Variants in ALKAL1 observed in about 807,000 individuals in gnomAD.
The protein encoded by ALKAL1 is ALK and LTK ligand 1.
ALKAL1 carries 23 observed loss-of-function variants against 13.5 expected under a neutral mutation model. That is an observed-to-expected ratio of 1.70 (90% CI 1.23 to 2.41). ALKAL1 has a LOEUF of 2.41. Ranked by LOEUF, ALKAL1 falls within the 30% of genes most tolerant of loss-of-function variation. ALKAL1 has a pLI of 0.00. For synonymous variants in ALKAL1, 85 were observed against 77.7 expected (o/e 1.09, Z -0.49); for missense variants, 181 against 178.4 (o/e 1.01, Z -0.08).
intron 1 of ALKAL1, among the ~76,000 whole-genome samples, chr8:52,550,433 GAGAC>G (rs1476559764): frequency 7.4e-6 from 1 of 134,798 alleles, no homozygotes; most frequent in Non-Finnish European, 1.7e-5. Flanking sequence ...TTGAGCTGCA[GAGAC>G]AGAGTTGAGT....
intron 1 of ALKAL1, among the ~76,000 whole-genome samples, chr8:52,551,454 G>A (rs1400294515): frequency 2.7e-5 from 4 of 150,520 alleles, no homozygotes; most frequent in Non-Finnish European, 4.4e-5. Flanking sequence ...CACCATGCCC[G>A]GCTAATTCAT....
At chr8:52,547,408 G>A (rs1272822257) in intron 1 of ALKAL1, among the ~76,000 whole-genome samples, 2 of 152,272 alleles carry the variant, frequency 1.3e-5, no homozygotes, top group African/African-American at 2.4e-5. Context: ...GCTGAGGGAG[G>A]AGAATCAATT....
At chr8:52,562,594 T>C (rs911584112) in intron 1 of ALKAL1, among the ~76,000 whole-genome samples, 2 of 152,110 alleles carry the variant, frequency 1.3e-5, no homozygotes, top group Admixed American at 6.5e-5. Context: ...CTACTCCCTC[T>C]ACCTGGAAAT....
chr8:52,539,809 A>C (rs754483122), intron 3 of ALKAL1, 22 bp downstream of exon 3: 69 of 1,565,600 alleles, frequency 4.4e-5, no homozygotes, highest in Non-Finnish European at 5.4e-5. Context: ...TAAAAAAAAA[A>C]AAACCCACCC....
intron 1 of ALKAL1, 59 bp downstream of exon 1, chr8:52,565,008 G>T: frequency 7.8e-7 from 1 of 1,289,754 alleles, no homozygotes; most frequent in Non-Finnish European, 9.9e-7. Context: ...CAGCTCCTAG[G>T]GGAATCCACG....
chr8:52,552,318 G>A (rs1847438089), intron 1 of ALKAL1, among the ~76,000 whole-genome samples: 1 of 152,200 alleles, frequency 6.6e-6, no homozygotes, highest in Admixed American at 6.5e-5. Flanking sequence ...CACTTTTAGT[G>A]TAATTTATGT....
intron 1 of ALKAL1, among the ~76,000 whole-genome samples, chr8:52,548,225 C>A (rs554369859): frequency 1.3e-5 from 2 of 152,158 alleles, no homozygotes; most frequent in African/African-American, 4.8e-5. Flanking sequence ...GTGGCACACA[C>A]CTGTAATCCC....
chr8:52,552,093 T>G (rs1235414187), intron 1 of ALKAL1, among the ~76,000 whole-genome samples: 1 of 152,180 alleles, frequency 6.6e-6, no homozygotes. Flanking sequence ...AGTCATCATG[T>G]CTCCTTAGGC....
At position 52,564,128 on chromosome 8, in the gene ALKAL1, C is replaced by T. The variant is rs748249836; in HGVS notation, c.190+939G>A. On this transcript the variant is annotated intron_variant, in intron 1 of 4. Coordinates refer to ENST00000358543, the MANE Select transcript of ALKAL1 (RefSeq NM_207413.4). ...CGGCCAGCCGCTAGCTGCGAGGCAT[C>T]CCCAGGCCACCCTAGGCCCTCTCCT... is the stretch of plus-strand genomic sequence containing the variant. Among the ~76,000 whole-genome samples, 34 of 152,212 alleles carry T rather than the reference C, an allele frequency of 2.2e-4. 1 individual carries two copies. Among genetic ancestry groups the T allele is most frequent in the Non-Finnish European group, 4.0e-4 (27 of 68,038 alleles).
chr8:52,557,966 G>GAAA (rs33973509), intron 1 of ALKAL1, among the ~76,000 whole-genome samples: 1 of 114,152 alleles, frequency 8.8e-6, no homozygotes, highest in Non-Finnish European at 1.8e-5. Context: ...GACTATGTCT[G>GAAA]AAAAAAAAAA....
intron 1 of ALKAL1, among the ~76,000 whole-genome samples, chr8:52,562,832 C>T (rs1026193585): frequency 6.6e-6 from 1 of 152,176 alleles, no homozygotes; most frequent in Admixed American, 6.5e-5. Context: ...AGATATTTTC[C>T]TCCTGAATGA....
chr8:52,556,745 A>T (rs924069416), intron 1 of ALKAL1, among the ~76,000 whole-genome samples: 1 of 152,074 alleles, frequency 6.6e-6, no homozygotes, highest in Non-Finnish European at 1.5e-5. Flanking sequence ...ATTCATCAAC[A>T]AATGAGATAA....
chr8:52,556,646 CAAAAAAAAA>C (rs59483863), intron 1 of ALKAL1, among the ~76,000 whole-genome samples: 19 of 51,374 alleles, frequency 3.7e-4, no homozygotes, highest in East Asian at 8.8e-4. Context: ...AACTCTGTCT[CAAAAAAAAA>C]AAAAAAAAAA....
chr8:52,538,873 A>T (rs1020810233), intron 3 of ALKAL1, among the ~76,000 whole-genome samples: 1 of 151,798 alleles, frequency 6.6e-6, no homozygotes, highest in South Asian at 2.1e-4. Context: ...GTTTTGTTTT[A>T]TTTTATTTTA....
At chr8:52,545,968 T>C (rs1302050886) in intron 1 of ALKAL1, among the ~76,000 whole-genome samples, 3 of 152,248 alleles carry the variant, frequency 2.0e-5, no homozygotes, top group Non-Finnish European at 4.4e-5. Flanking sequence ...CTATATGGTA[T>C]AGCCTATTGC....
intron 1 of ALKAL1, among the ~76,000 whole-genome samples, chr8:52,544,115 C>T (rs946338280): frequency 4.6e-5 from 7 of 151,948 alleles, no homozygotes; most frequent in Admixed American, 2.6e-4. Context: ...CTGTACAACC[C>T]GGCTTTGCTG....
At chr8:52,556,437 G>C (rs943079388) in intron 1 of ALKAL1, among the ~76,000 whole-genome samples, 3 of 151,872 alleles carry the variant, frequency 2.0e-5, no homozygotes, top group African/African-American at 7.3e-5. Flanking sequence ...CACGAGGTCA[G>C]GAGATCGAGA....
At position 52,555,216 on chromosome 8, in the gene ALKAL1, G is replaced by C. The variant is rs372927997; in HGVS notation, c.190+9851C>G. On this transcript the variant is annotated intron_variant, in intron 1 of 4. Transcript: ENST00000358543. ...TAAAGGCCGACAAATGCCCACTGGA[G>C]TCAACTGGAGTCCCGGTGGGATCAT... 1.4e-4 allele frequency among the ~76,000 whole-genome samples: 21 copies of C among 152,040 alleles called. No homozygotes were observed. In the South Asian group the frequency reaches 4.2e-3, roughly 30 times the overall value.
intron 1 of ALKAL1, among the ~76,000 whole-genome samples, chr8:52,547,047 T>C (rs1053554138): frequency 1.3e-5 from 2 of 152,246 alleles, no homozygotes; most frequent in Non-Finnish European, 2.9e-5. Flanking sequence ...GAGATATTTT[T>C]CCATGCACAC....
Sources: gnomAD v4.1 joint callset for allele counts (sites outside exome capture counted in the v4.1 genomes callset) on GRCh38, gnomAD v4.1.1 for gene constraint, MANE v1.5 for transcripts, NCBI Gene and HGNC (gene_info 2026-07-23, HGNC 2026-07-21) for gene names.